The following TRDN variants were observed in gnomAD, a reference collection of about 807,000 sequenced individuals.
TRDN encodes the protein triadin.
A neutral mutation model predicts 149.7 loss-of-function variants in TRDN; 161 were observed. The ratio of observed to expected loss-of-function variants is 1.08; its 90% CI spans 0.95 to 1.23. TRDN has a LOEUF of 1.23. Among genes scored for constraint, TRDN ranks in the 50% most tolerant of loss-of-function variants. TRDN has a pLI of 0.00. For missense variants in TRDN, 896 were observed against 823.5 expected, an observed-to-expected ratio of 1.09 and a Z score of -1.08; for synonymous variants, 294 against 250.5, an observed-to-expected ratio of 1.17 and a Z score of -1.64.
intron 8 of TRDN, chr6:123,503,358 G>A (rs930672850): frequency 1.8e-5 from 18 of 985,034 alleles, no homozygotes; most frequent in Non-Finnish European, 2.2e-5. Flanking sequence ...CATTTTGGGG[G>A]ACCACTTTCC....
At chr6:123,275,500 T>C (rs1437694301) in intron 26 of TRDN, among the ~76,000 whole-genome samples, 1 of 152,156 alleles carries the variant, frequency 6.6e-6, no homozygotes, top group Non-Finnish European at 1.5e-5. Context: ...TTTTGGACTT[T>C]TAACTTCCAA....
chr6:123,381,385 G>A lies in TRDN; in HGVS notation c.1171C>T (p.Gln391Ter). Residue 391 changes from glutamine (Q) to a stop codon, truncating the protein, a stop_gained, in exon 16 of 41, where the codon CAA becomes TAA. Coordinates refer to ENST00000334268, the MANE Select transcript of TRDN (RefSeq NM_006073.4). LOFTEE classifies it high-confidence loss of function. ...KKTKKPAEVE[Q>*]PKGKKQEKKE... The stretch of plus-strand genomic sequence containing the variant: ...ATTTCCTTACTTTTTCCCTTGGGTT[G>A]TTCTACTGAAAGAAATACAAACAAA... 2 of 1,557,166 alleles carry A rather than the reference G, an allele frequency of 1.3e-6. No individual in the cohort carries two copies. The highest frequency in any genetic ancestry group is 2.4e-5 in the South Asian group (2 of 84,436).
intron 1 of TRDN, among the ~76,000 whole-genome samples, chr6:123,586,867 A>G (rs1364475262): frequency 6.6e-6 from 1 of 151,938 alleles, no homozygotes; most frequent in African/African-American, 2.4e-5. Flanking sequence ...GCACAGAGAT[A>G]CAAGGTCAGG....
At chr6:123,398,294 C>T (rs1234221776) in intron 12 of TRDN, among the ~76,000 whole-genome samples, 1 of 152,094 alleles carries the variant, frequency 6.6e-6, no homozygotes, top group East Asian at 1.9e-4. Flanking sequence ...TGTGAGCCAC[C>T]GTGCCTGGCC....
chr6:123,628,326 G>T (rs1785785115), intron 1 of TRDN, among the ~76,000 whole-genome samples: 1 of 152,080 alleles, frequency 6.6e-6, no homozygotes, highest in African/African-American at 2.4e-5. Context: ...AGAAAAGCCT[G>T]AGGAGAAGGA....
At chr6:123,598,653 A>G (rs1784145573) in intron 1 of TRDN, among the ~76,000 whole-genome samples, 1 of 152,028 alleles carries the variant, frequency 6.6e-6, no homozygotes, top group Non-Finnish European at 1.5e-5. Flanking sequence ...AGCCACACCC[A>G]TTCATTTTCA....
At chr6:123,426,985 T>G (rs1351013358) in intron 12 of TRDN, among the ~76,000 whole-genome samples, 1 of 152,066 alleles carries the variant, frequency 6.6e-6, no homozygotes, top group East Asian at 1.9e-4. Flanking sequence ...TATAAATAAT[T>G]ATTAAACTTT....
chr6:123,498,954 T>C (rs1778565947), intron 8 of TRDN, among the ~76,000 whole-genome samples: 1 of 152,086 alleles, frequency 6.6e-6, no homozygotes, highest in Non-Finnish European at 1.5e-5. Flanking sequence ...GTTGTCAAAA[T>C]ACAGATTTTT....
In TRDN at chr6:123,513,811, C is replaced by T. The variant is rs150718375; in HGVS notation, c.551-1449G>A. On this transcript the variant is annotated intron_variant, in intron 6 of 40. Coordinates refer to ENST00000334268, the MANE Select transcript of TRDN (RefSeq NM_006073.4). ...TTTGGTATTTTCAAGTGTAAATATACCATAAAAAATATTGAAGCATATTTC... is the reference window on the plus strand; with the variant it reads ...TTTGGTATTTTCAAGTGTAAATATATCATAAAAAATATTGAAGCATATTTC... Among the ~76,000 whole-genome samples the T allele has an allele frequency of 2.6e-3, 390 of 151,796 alleles. 3 individuals carry two copies. The highest frequency in any genetic ancestry group is 8.6e-3 in the African/African-American group (358 of 41,408).
At chr6:123,532,465 C>T (rs1780295951) in intron 4 of TRDN, among the ~76,000 whole-genome samples, 1 of 151,858 alleles carries the variant, frequency 6.6e-6, no homozygotes, top group African/African-American at 2.4e-5. Context: ...CTTTGGAAAG[C>T]CTTAAAAACA....
At chr6:123,227,177 A>C (rs936311054) in intron 38 of TRDN, among the ~76,000 whole-genome samples, 1 of 151,896 alleles carries the variant, frequency 6.6e-6, no homozygotes, top group African/African-American at 2.4e-5. Context: ...AGAGCATGAG[A>C]AAATGAATGC....
chr6:123,530,930 A>C (rs1455232320), intron 4 of TRDN, among the ~76,000 whole-genome samples: 1 of 151,974 alleles, frequency 6.6e-6, no homozygotes, highest in African/African-American at 2.4e-5. Context: ...ATTTAGATTT[A>C]GGAAGATTTA....
intron 18 of TRDN, among the ~76,000 whole-genome samples, chr6:123,377,399 G>C (rs9401666): frequency 1.3e-5 from 2 of 152,022 alleles, no homozygotes; most frequent in Non-Finnish European, 2.9e-5. Context: ...AATTCACTGA[G>C]GGTCTTGTGA....
At chr6:123,552,287 A>G (rs1280947786) in intron 2 of TRDN, among the ~76,000 whole-genome samples, 1 of 152,100 alleles carries the variant, frequency 6.6e-6, no homozygotes, top group Non-Finnish European at 1.5e-5. Flanking sequence ...AGAAAAGTTT[A>G]AGTAAGATTT....
chr6:123,593,510 C>T (rs559338733), intron 1 of TRDN, among the ~76,000 whole-genome samples: 5 of 152,252 alleles, frequency 3.3e-5, no homozygotes, highest in East Asian at 1.9e-4. Flanking sequence ...CTGGAGGAAG[C>T]GGAAGTCTGA....
At chr6:123,571,395 T>TA (rs1782569839) in intron 1 of TRDN, among the ~76,000 whole-genome samples, 1 of 152,178 alleles carries the variant, frequency 6.6e-6, no homozygotes, top group African/African-American at 2.4e-5. Flanking sequence ...ACACAAGTGA[T>TA]AAAATGGTTC....
intron 35 of TRDN, among the ~76,000 whole-genome samples, chr6:123,256,991 T>C (rs547870470): frequency 1.3e-3 from 200 of 151,204 alleles, no homozygotes; most frequent in Admixed American, 2.6e-3. Flanking sequence ...TTCTTTCTTT[T>C]TTTTTTTTTA....
At chr6:123,355,353 G>T (rs1410014989) in intron 20 of TRDN, among the ~76,000 whole-genome samples, 6 of 151,456 alleles carry the variant, frequency 4.0e-5, no homozygotes, top group Non-Finnish European at 8.9e-5. Flanking sequence ...CTCCACCACG[G>T]TTATAAGATA....
At chr6:123,615,615 T>C (rs1242492652) in intron 1 of TRDN, among the ~76,000 whole-genome samples, 1 of 152,066 alleles carries the variant, frequency 6.6e-6, no homozygotes, top group Non-Finnish European at 1.5e-5. Flanking sequence ...CACAGCAACG[T>C]GGATGAGCTA....
Sources: gnomAD v4.1 joint callset for allele counts (sites outside exome capture counted in the v4.1 genomes callset) on GRCh38, gnomAD v4.1.1 for gene constraint, MANE v1.5 for transcripts, NCBI Gene and HGNC (gene_info 2026-07-23, HGNC 2026-07-21) for gene names.